TTC28: variants seen among roughly 807,000 people sequenced by gnomAD.
The protein encoded by TTC28 is tetratricopeptide repeat domain 28.
A neutral mutation model predicts 198.0 loss-of-function variants in TTC28; 61 were observed. That is an observed-to-expected ratio of 0.31 (90% CI 0.25 to 0.38). TTC28 has a LOEUF of 0.38. TTC28 is among the 10% of genes least tolerant of loss of function. TTC28 has a pLI of 1.00. For missense variants in TTC28, 2,678 were observed against 3,164.0 expected, an observed-to-expected ratio of 0.85 and a Z score of 3.69; for synonymous variants, 1,171 against 1,297.8, an observed-to-expected ratio of 0.90 and a Z score of 2.10.
chr22:28,310,175 A>C (rs1297605), intron 2 of TTC28, among the ~76,000 whole-genome samples: 54,496 of 123,390 alleles, frequency 0.44, 10,555 homozygotes, highest in East Asian at 0.52. Flanking sequence ...CACACACACA[A>C]AAAACAAGAC....
At chr22:28,227,376 C>G (rs5762528) in intron 5 of TTC28, among the ~76,000 whole-genome samples, 3 of 151,960 alleles carry the variant, frequency 2.0e-5, no homozygotes, top group African/African-American at 7.3e-5. Context: ...TGACACAGCT[C>G]AAAATCAATC....
intron 2 of TTC28, among the ~76,000 whole-genome samples, chr22:28,399,317 G>GTT (rs695621): frequency 4.9e-5 from 6 of 121,970 alleles, no homozygotes; most frequent in African/African-American, 1.2e-4. Context: ...GACTAAAACT[G>GTT]TTTTTTTTTT....
At chr22:28,169,518 T>C (rs566811746) in intron 5 of TTC28, among the ~76,000 whole-genome samples, 21 of 152,224 alleles carry the variant, frequency 1.4e-4, no homozygotes, top group Non-Finnish European at 2.4e-4. Flanking sequence ...ATGTCCTTTG[T>C]AGGGACATGG....
chr22:28,054,732 T>C (rs954532717), intron 12 of TTC28, among the ~76,000 whole-genome samples: 1 of 152,202 alleles, frequency 6.6e-6, no homozygotes, highest in African/African-American at 2.4e-5. Context: ...ATCCTCTCTT[T>C]AGACAACCCA....
intron 2 of TTC28, among the ~76,000 whole-genome samples, chr22:28,538,562 T>TC (rs1238274575): frequency 6.8e-6 from 1 of 146,122 alleles, no homozygotes; most frequent in African/African-American, 2.5e-5. Flanking sequence ...TTCTCTTTTT[T>TC]TTTTTTTTTT....
At position 28,563,384 on chromosome 22, in the gene TTC28, A is replaced by C. The variant is rs373737874; in HGVS notation, c.381+66168T>G. ...TCTTCTAAATTTCTTGGATTCCTTC[A>C]TATAAGGTAAGTAATTCTTGGCAAA... On this transcript the variant is annotated intron_variant, in intron 2 of 22. Transcript: ENST00000397906. Among the ~76,000 whole-genome samples, 12 of 152,298 alleles carry C rather than the reference A, an allele frequency of 7.9e-5. No individual in the cohort carries two copies. The East Asian group carries it at 2.1e-3, about 27-fold the overall frequency.
At chr22:28,266,315 C>T (rs1569229594) in intron 5 of TTC28, among the ~76,000 whole-genome samples, 1 of 152,094 alleles carries the variant, frequency 6.6e-6, no homozygotes, top group Non-Finnish European at 1.5e-5. Flanking sequence ...TTATTACTTT[C>T]TCAAAAGGAA....
intron 3 of TTC28, among the ~76,000 whole-genome samples, chr22:28,298,679 C>T (rs2044952693): frequency 1.3e-5 from 2 of 152,072 alleles, no homozygotes; most frequent in South Asian, 2.1e-4. Context: ...TCAAACTCCT[C>T]GGCTCAAGTG....
chr22:28,579,014 CATATATGTATATATACTATATAGCTAT>C (rs2050191230), intron 2 of TTC28, among the ~76,000 whole-genome samples: 2 of 151,680 alleles, frequency 1.3e-5, no homozygotes, highest in Admixed American at 1.3e-4. Flanking sequence ...TATGCAAGTA[CATATATGTATATATACTATATAGCTAT>C]ATATGTAGTT....
At chr22:28,554,871 TTAAAAGGAAAA>T (rs372940159) in intron 2 of TTC28, among the ~76,000 whole-genome samples, 157 of 151,978 alleles carry the variant, frequency 1.0e-3, no homozygotes, top group African/African-American at 3.5e-3. Context: ...ACTCCGTCTT[TTAAAAGGAAAA>T]AAAAAGAAAG....
intron 2 of TTC28, among the ~76,000 whole-genome samples, chr22:28,603,127 C>A (rs1030531755): frequency 6.6e-6 from 1 of 152,158 alleles, no homozygotes; most frequent in Non-Finnish European, 1.5e-5. Context: ...GACCCACCCA[C>A]CTCGGCTTCC....
chr22:28,584,136 T>C (rs567176825), intron 2 of TTC28, among the ~76,000 whole-genome samples: 4 of 152,140 alleles, frequency 2.6e-5, no homozygotes, highest in African/African-American at 9.6e-5. Flanking sequence ...CATTCTTTTC[T>C]CAAATGAAGA....
At chr22:28,086,482 C>T (rs1464561133) in intron 12 of TTC28, among the ~76,000 whole-genome samples, 1 of 152,134 alleles carries the variant, frequency 6.6e-6, no homozygotes, top group African/African-American at 2.4e-5. Context: ...AAAGACACAA[C>T]ATACCATAAT....
In TTC28 at chr22:27,980,042, G is replaced by A. The variant is rs981403923; in HGVS notation, c.*2179C>T. Reference sequence around the variant, plus strand: ...GGTGGTGGGGGTGTTTGCTAGAGAGGGGCAAATAGGGCCGCAGCCTTCCCC... The same window carrying A: ...GGTGGTGGGGGTGTTTGCTAGAGAGAGGCAAATAGGGCCGCAGCCTTCCCC... On this transcript the variant is annotated 3_prime_UTR_variant, in exon 23 of 23. Transcript: ENST00000397906. 2.6e-5 allele frequency: 4 copies of A among 152,188 alleles called. No individual in the cohort carries two copies. Among genetic ancestry groups the A allele is most frequent in the African/African-American group, 9.7e-5 (4 of 41,392 alleles). The allele number at this position is 152,188 out of a possible 1,614,324, so 9.4% of individuals were successfully genotyped here.
chr22:28,149,028 G>A (rs1228680252), intron 6 of TTC28, among the ~76,000 whole-genome samples: 3 of 152,124 alleles, frequency 2.0e-5, no homozygotes, highest in Admixed American at 6.5e-5. Flanking sequence ...ACTGAGAAAC[G>A]TGTTGTTAGG....
At chr22:28,653,779 CTTATACA>C (rs2051601032) in intron 1 of TTC28, among the ~76,000 whole-genome samples, 1 of 152,152 alleles carries the variant, frequency 6.6e-6, no homozygotes, top group African/African-American at 2.4e-5. Flanking sequence ...TGTTAGCTCC[CTTATACA>C]TACCACAAAC....
chr22:28,498,292 T>C (rs2048485592), intron 2 of TTC28, among the ~76,000 whole-genome samples: 1 of 152,232 alleles, frequency 6.6e-6, no homozygotes, highest in Admixed American at 6.5e-5. Flanking sequence ...ACATGACTGT[T>C]AGCAGCTATG....
intron 6 of TTC28, among the ~76,000 whole-genome samples, chr22:28,144,617 C>T (rs1169986149): frequency 6.6e-6 from 1 of 152,148 alleles, no homozygotes; most frequent in Non-Finnish European, 1.5e-5. Context: ...ACAAATCTCT[C>T]GATGTGTAAT....
At chr22:28,502,100 A>T (rs1246972825) in intron 2 of TTC28, among the ~76,000 whole-genome samples, 3 of 152,174 alleles carry the variant, frequency 2.0e-5, no homozygotes, top group Non-Finnish European at 2.9e-5. Flanking sequence ...AACAGAATAG[A>T]ATTACTATTT....
Sources: gnomAD v4.1 joint callset for allele counts (sites outside exome capture counted in the v4.1 genomes callset) on GRCh38, gnomAD v4.1.1 for gene constraint, MANE v1.5 for transcripts, NCBI Gene and HGNC (gene_info 2026-07-23, HGNC 2026-07-21) for gene names.